The following NEK4 variants were observed in gnomAD, a reference collection of about 807,000 sequenced individuals.
The protein encoded by NEK4 is NIMA related kinase 4.
NEK4 carries 86 observed loss-of-function variants against 98.4 expected under a neutral mutation model. That is an observed-to-expected ratio of 0.87 (90% CI 0.73 to 1.05). The LOEUF (loss-of-function observed/expected upper bound fraction) is 1.05. Among genes scored for constraint, NEK4 ranks in the 50% least tolerant of loss-of-function variants. The pLI is 0.00. For synonymous variants in NEK4, 328 were observed against 342.2 expected (o/e 0.96, Z 0.46); for missense variants, 898 against 950.3 (o/e 0.94, Z 0.72).
At chr3:52,730,271 G>A (rs1196069872) in intron 15 of NEK4, among the ~76,000 whole-genome samples, 1 of 152,182 alleles carries the variant, frequency 6.6e-6, no homozygotes, top group African/African-American at 2.4e-5. Context: ...CATAACTAGT[G>A]TAAGGAGAAT....
Position 52,741,433 on chromosome 3 carries a change from AC to A in NEK4, c.2070del (p.Lys690AsnfsTer22). The A allele has an allele frequency of 6.2e-7, 1 of 1,606,732 alleles. No homozygotes were observed. The highest frequency in any genetic ancestry group is 1.3e-5 in the African/African-American group (1 of 74,874). ...TACCCTTCCCCGTAATCCCCATCTG[AC>A]TTATCAGTTGAACTTGTAGAAGAAC... ...ELSSSTSSTD[K>X]SDGDYGEGKG... is the part of the protein sequence containing the mutation. On this transcript the variant is annotated frameshift_variant, in exon 13 of 16. Transcript: ENST00000233027. LOFTEE classifies it high-confidence loss of function.
At chr3:52,768,999 C>A (rs919672176) in intron 1 of NEK4, among the ~76,000 whole-genome samples, 3 of 152,100 alleles carry the variant, frequency 2.0e-5, no homozygotes, top group African/African-American at 7.2e-5. Context: ...GCGGGTGGAT[C>A]ACCTGAGGTC....
chr3:52,724,177 G>A (rs1185575254), intron 15 of NEK4, among the ~76,000 whole-genome samples: 1 of 151,496 alleles, frequency 6.6e-6, no homozygotes, highest in Non-Finnish European at 1.5e-5. Flanking sequence ...AGGTTGCAGT[G>A]AGCCAAGATG....
chr3:52,712,420 G>A (rs2097351337), intron 15 of NEK4, among the ~76,000 whole-genome samples: 1 of 152,200 alleles, frequency 6.6e-6, no homozygotes, highest in Non-Finnish European at 1.5e-5. Context: ...GTCTAGTGGT[G>A]AATGTTTACA....
At chr3:52,726,899 G>A (rs569400792) in intron 15 of NEK4, among the ~76,000 whole-genome samples, 11 of 151,544 alleles carry the variant, frequency 7.3e-5, no homozygotes, top group Admixed American at 4.6e-4. Context: ...GCGAGACTCC[G>A]TCTCAAATAA....
chr3:52,717,756 G>A lies in NEK4; in HGVS notation c.2434-5887C>T, dbSNP rs546607000. Among the ~76,000 whole-genome samples, 4 of 152,170 alleles carry A rather than the reference G, an allele frequency of 2.6e-5. No individual in the cohort carries two copies. In the South Asian group the frequency reaches 6.2e-4, roughly 24 times the overall value. Reference sequence around the variant, plus strand: ...GAGTGCTTTCAAAAAGAGTGGAAGTGTAACTGAGTACCTCCACTTTAATTA... The same window carrying A: ...GAGTGCTTTCAAAAAGAGTGGAAGTATAACTGAGTACCTCCACTTTAATTA... On this transcript the variant is annotated intron_variant, in intron 15 of 15. Coordinates refer to ENST00000233027, the MANE Select transcript of NEK4 (RefSeq NM_003157.6).
chr3:52,766,848 C>T (rs905275402), intron 2 of NEK4, among the ~76,000 whole-genome samples: 4 of 151,982 alleles, frequency 2.6e-5, no homozygotes, highest in African/African-American at 9.7e-5. Context: ...TAGCCGGGCG[C>T]AGTGGCGGGC....
chr3:52,733,279 C>T, intron 15 of NEK4: 2 of 320,388 alleles, frequency 6.2e-6, no homozygotes, highest in East Asian at 8.4e-5. Context: ...AGAAGCCTTA[C>T]AAACGTAGTG....
In NEK4 at chr3:52,739,496, G is replaced by T. The variant is rs772895170; in HGVS notation, c.2232C>A (p.Asp744Glu). ...CAACCTTCCCATGAAGTATCAGTGT[G>T]TCCCGATATTTCCGATGAAGTTTGA... ...SEFKLHRKYRDTLILHGKVAE... is the reference protein window; with the variant it reads ...SEFKLHRKYRETLILHGKVAE... The change falls in exon 14 of 16, where the codon GAC (aspartate) becomes GAA (glutamate). Residue 744 changes from aspartate (D) to glutamate (E), a missense_variant. Coordinates refer to ENST00000233027, the MANE Select transcript of NEK4 (RefSeq NM_003157.6). 3 of 1,613,994 alleles carry T rather than the reference G, an allele frequency of 1.9e-6. No individual in the cohort carries two copies. The African/African-American group carries it at 4.0e-5, about 22-fold the overall frequency.
At chr3:52,721,570 A>C (rs57946083) in intron 15 of NEK4, among the ~76,000 whole-genome samples, 2 of 151,776 alleles carry the variant, frequency 1.3e-5, no homozygotes, top group Non-Finnish European at 2.9e-5. Flanking sequence ...TCTACCAAAA[A>C]AAAAAATTTT....
intron 5 of NEK4, among the ~76,000 whole-genome samples, chr3:52,762,930 T>C (rs1698411033): frequency 6.6e-6 from 1 of 152,226 alleles, no homozygotes; most frequent in Non-Finnish European, 1.5e-5. Context: ...ACTCTGATCT[T>C]CCCTTTTTCT....
chr3:52,731,195 A>G (rs775417002), intron 15 of NEK4, among the ~76,000 whole-genome samples: 51 of 152,244 alleles, frequency 3.3e-4, no homozygotes, highest in Non-Finnish European at 6.6e-4. Flanking sequence ...AGTTGAATCC[A>G]AAGGAACAAA....
chr3:52,745,450 G>A (rs1451829195), intron 10 of NEK4, among the ~76,000 whole-genome samples: 3 of 151,880 alleles, frequency 2.0e-5, no homozygotes, highest in African/African-American at 7.2e-5. Context: ...ATGGTGGCTG[G>A]CACCTGTAGT....
rs148884177 is a variant in NEK4, at chr3:52,756,923, C to A, written c.963+3872G>T. On this transcript the variant is annotated intron_variant, in intron 6 of 15. Transcript: ENST00000233027. ...CAACAGCAAAAAATGAACGACCCAA[C>A]TCAAAAATGGGCAAAGGATTTGAAT... is the stretch of plus-strand genomic sequence containing the variant. Among the ~76,000 whole-genome samples the A allele has an allele frequency of 4.5e-4, 69 of 152,188 alleles. 1 individual carries two copies. In the East Asian group the frequency reaches 0.013, roughly 28 times the overall value.
chr3:52,711,972 A>G, intron 15 of NEK4, 103 bp from the exon 16 acceptor site: 3 of 639,902 alleles, frequency 4.7e-6, no homozygotes, highest in Non-Finnish European at 8.4e-6. Context: ...CAAGGTGGAA[A>G]CCATACAGGA....
rs1698556111 is a variant in NEK4, at chr3:52,766,300, T to C, written c.436A>G (p.Lys146Glu). The C allele has an allele frequency of 1.2e-6, 2 of 1,614,110 alleles. No homozygotes were observed. The highest frequency in any genetic ancestry group is 2.7e-5 in the African/African-American group (2 of 75,052). The change falls in exon 3 of 16, where the codon AAA (lysine) becomes GAA (glutamate). Residue 146 changes from lysine to glutamate, a missense_variant. By Grantham distance (56) the Lys-to-Glu change is moderately conservative. Transcript: ENST00000233027. Reference sequence around the variant, plus strand: ...CGGGCAATTCCTAGGTCCCCTACTTTGATGATGTTTGTTCTTGTTAGGAAG... The same window carrying C: ...CGGGCAATTCCTAGGTCCCCTACTTCGATGATGTTTGTTCTTGTTAGGAAG... ...NVFLTRTNII[K>E]VGDLGIARVL...
intron 4 of NEK4, among the ~76,000 whole-genome samples, chr3:52,764,865 C>T (rs557409385): frequency 2.0e-5 from 3 of 152,032 alleles, no homozygotes; most frequent in East Asian, 3.9e-4. Context: ...AATTTGCTAG[C>T]AATGGTCATC....
chr3:52,735,118 A>T (rs1466411075), intron 15 of NEK4: 1 of 154,384 alleles, frequency 6.5e-6, no homozygotes, highest in African/African-American at 2.4e-5. Flanking sequence ...TCCAGTATAT[A>T]TGAATTCTTT....
Position 52,763,641 on chromosome 3 carries a change from T to C in NEK4, c.667-17A>G. The stretch of plus-strand genomic sequence containing the variant: ...TGGTGGCAGCTACAAATAAAAATAA[T>C]ATTGTAATTATGACTAATGGTCTTG... On this transcript the variant is annotated splice_polypyrimidine_tract_variant and intron_variant, in intron 4 of 15. Coordinates refer to ENST00000233027, the MANE Select transcript of NEK4 (RefSeq NM_003157.6). 6.4e-7 allele frequency: 1 copy of C among 1,560,726 alleles called. No homozygotes were observed. The highest frequency in any genetic ancestry group is 1.9e-5 in the Admixed American group (1 of 52,340).
Sources: allele counts gnomAD v4.1 joint callset (sites outside exome capture counted in the v4.1 genomes callset), GRCh38; gene constraint gnomAD v4.1.1; transcripts MANE v1.5; gene names NCBI Gene and HGNC (gene_info 2026-07-23, HGNC 2026-07-21).